ADAMTS12: variants seen among roughly 807,000 people sequenced by gnomAD.
The protein encoded by ADAMTS12 is ADAM metallopeptidase with thrombospondin type 1 motif 12.
In ADAMTS12, 118 loss-of-function variants were observed where a neutral mutation model predicts 167.8. That is an observed-to-expected ratio of 0.70 (90% CI 0.61 to 0.82). ADAMTS12 has a LOEUF of 0.82. ADAMTS12 is among the 40% of genes least tolerant of loss of function. ADAMTS12 has a pLI of 0.00. For synonymous variants in ADAMTS12, 704 were observed against 716.9 expected (o/e 0.98, Z 0.29); for missense variants, 1,916 against 1,998.8 (o/e 0.96, Z 0.79).
At chr5:33,774,058 A>G (rs537698876) in intron 2 of ADAMTS12, among the ~76,000 whole-genome samples, 2 of 152,310 alleles carry the variant, frequency 1.3e-5, no homozygotes, top group African/African-American at 4.8e-5. Flanking sequence ...ACTTCCATTT[A>G]AAGTAATGAC....
intron 19 of ADAMTS12, among the ~76,000 whole-genome samples, chr5:33,565,253 T>C (rs1276310465): frequency 6.6e-6 from 1 of 152,192 alleles, no homozygotes; most frequent in Non-Finnish European, 1.5e-5. Flanking sequence ...CCTCCCGGAT[T>C]CAAGTGTTTC....
At chr5:33,533,849 A>G (rs1460119830) in intron 23 of ADAMTS12, among the ~76,000 whole-genome samples, 3 of 152,116 alleles carry the variant, frequency 2.0e-5, no homozygotes, top group Admixed American at 6.5e-5. Context: ...TCTTTCCCAA[A>G]GCTCCTGTTG....
intron 12 of ADAMTS12, among the ~76,000 whole-genome samples, chr5:33,631,724 T>C (rs1361932703): frequency 6.6e-6 from 1 of 152,242 alleles, no homozygotes; most frequent in East Asian, 1.9e-4. Context: ...TACATGTATA[T>C]GATAAGAAGA....
At chr5:33,751,303 A>C in intron 3 of ADAMTS12, 101 bp downstream of exon 3, 5 of 1,414,010 alleles carry the variant, frequency 3.5e-6, no homozygotes, top group Non-Finnish European at 4.9e-6. Flanking sequence ...AAGAATACAG[A>C]GGAGATAAGA....
chr5:33,677,789 G>T (rs1017996213), intron 5 of ADAMTS12, among the ~76,000 whole-genome samples: 1 of 152,134 alleles, frequency 6.6e-6, no homozygotes, highest in Non-Finnish European at 1.5e-5. Flanking sequence ...ACATGGTTTT[G>T]TATACGTCAG....
intron 2 of ADAMTS12, among the ~76,000 whole-genome samples, chr5:33,870,712 G>A (rs1431760223): frequency 6.6e-6 from 1 of 152,196 alleles, no homozygotes; most frequent in Non-Finnish European, 1.5e-5. Context: ...GGACTGATGG[G>A]AGGTGATTGC....
chr5:33,678,541 C>T (rs1742001119), intron 5 of ADAMTS12, among the ~76,000 whole-genome samples: 1 of 152,144 alleles, frequency 6.6e-6, no homozygotes, highest in South Asian at 2.1e-4. Flanking sequence ...GGAAGTGACA[C>T]TGGAGCTGTG....
At chr5:33,732,265 T>C (rs1349265200) in intron 3 of ADAMTS12, among the ~76,000 whole-genome samples, 5 of 152,196 alleles carry the variant, frequency 3.3e-5, no homozygotes, top group Admixed American at 1.3e-4. Context: ...TGAATATTTA[T>C]CTGACACTAG....
At position 33,546,041 on chromosome 5, in the gene ADAMTS12, T is replaced by C. The variant is rs771825893; in HGVS notation, c.4446+18A>G. The C allele has an allele frequency of 1.3e-6, 2 of 1,578,330 alleles. No homozygotes were observed. The highest frequency in any genetic ancestry group is 2.2e-5 in the East Asian group (1 of 44,612). The stretch of plus-strand genomic sequence containing the variant: ...AAAAAAAGCTAAAGTAAAAAAAGTA[T>C]GTATAACCAAGTCTTACCAGGTCCC... On this transcript the variant is annotated intron_variant, in intron 22 of 23. Coordinates refer to ENST00000504830, the MANE Select transcript of ADAMTS12 (RefSeq NM_030955.4).
chr5:33,617,398 A>G (rs1203338868), intron 14 of ADAMTS12, among the ~76,000 whole-genome samples: 2 of 152,136 alleles, frequency 1.3e-5, no homozygotes, highest in Non-Finnish European at 2.9e-5. Context: ...CTAGGGGTCA[A>G]ACTGTGGCCT....
At chr5:33,649,757 A>C in intron 7 of ADAMTS12, 60 bp from the exon 8 acceptor site, 1 of 1,590,438 alleles carries the variant, frequency 6.3e-7, no homozygotes, top group African/African-American at 1.3e-5. Context: ...CAGGAAGAAA[A>C]ACCATAGTTT....
chr5:33,608,911 G>A lies in ADAMTS12; in HGVS notation c.2527+5327C>T, dbSNP rs150535880. ...ACAGATGTTCCAGCTACTAGGATGC[G>A]CGCATATTTAACCTGAATTACATGT... On this transcript the variant is annotated intron_variant, in intron 16 of 23. Transcript: ENST00000504830. Among the ~76,000 whole-genome samples the A allele has an allele frequency of 5.1e-3, 779 of 152,230 alleles. 5 individuals are homozygous for A. Among genetic ancestry groups the A allele is most frequent in the African/African-American group, 0.018 (738 of 41,530 alleles).
intron 2 of ADAMTS12, among the ~76,000 whole-genome samples, chr5:33,852,213 A>G (rs1021412982): frequency 2.0e-5 from 3 of 152,244 alleles, no homozygotes; most frequent in Admixed American, 2.0e-4. Flanking sequence ...ACAGAAAAAA[A>G]AAGTCCTTAG....
At chr5:33,648,687 A>G in intron 9 of ADAMTS12, 135 bp downstream of exon 9, 1 of 1,125,646 alleles carries the variant, frequency 8.9e-7, no homozygotes, top group East Asian at 2.4e-5. Flanking sequence ...TCCCTTACAG[A>G]CACACCTTGC....
At chr5:33,853,487 G>A (rs1036092812) in intron 2 of ADAMTS12, among the ~76,000 whole-genome samples, 34 of 152,200 alleles carry the variant, frequency 2.2e-4, no homozygotes, top group Admixed American at 2.1e-3. Flanking sequence ...CAACACAGCA[G>A]AGAATAGGGG....
intron 20 of ADAMTS12, among the ~76,000 whole-genome samples, chr5:33,559,450 C>G (rs1639024931): frequency 6.6e-6 from 1 of 152,168 alleles, no homozygotes; most frequent in South Asian, 2.1e-4. Flanking sequence ...GCAGATTAGG[C>G]CTAGTTAGTG....
intron 5 of ADAMTS12, among the ~76,000 whole-genome samples, chr5:33,663,712 C>T (rs778412012): frequency 6.6e-6 from 1 of 152,308 alleles, no homozygotes; most frequent in African/African-American, 2.4e-5. Flanking sequence ...TCATCAACCT[C>T]ACTGGGAAGG....
At chr5:33,558,042 G>A (rs1745565928) in intron 20 of ADAMTS12, among the ~76,000 whole-genome samples, 1 of 151,910 alleles carries the variant, frequency 6.6e-6, no homozygotes, top group African/African-American at 2.4e-5. Context: ...GGCTCCCACT[G>A]ATTCTACATT....
chr5:33,657,614 A>G (rs1223589772), intron 7 of ADAMTS12, among the ~76,000 whole-genome samples: 1 of 152,216 alleles, frequency 6.6e-6, no homozygotes, highest in African/African-American at 2.4e-5. Context: ...CAACTTGGAC[A>G]TCCAGTTAAC....
Sources: allele counts gnomAD v4.1 joint callset (sites outside exome capture counted in the v4.1 genomes callset), GRCh38; gene constraint gnomAD v4.1.1; transcripts MANE v1.5; gene names NCBI Gene and HGNC (gene_info 2026-07-23, HGNC 2026-07-21).